Variants in ANKUB1 observed in about 807,000 individuals in gnomAD.
ANKUB1 encodes the protein ankyrin repeat and ubiquitin domain containing 1, also known as protein ANKUB1.
Under a neutral mutation model 49.3 loss-of-function variants are expected in ANKUB1, and 42 were observed. The ratio of observed to expected loss-of-function variants is 0.85; its 90% CI spans 0.67 to 1.10. ANKUB1 has a LOEUF of 1.10. Among genes scored for constraint, ANKUB1 ranks in the 50% least tolerant of loss-of-function variants. ANKUB1 has a pLI of 0.00. For missense variants in ANKUB1, 613 were observed against 642.0 expected, an observed-to-expected ratio of 0.95 and a Z score of 0.49; for synonymous variants, 222 against 231.0, an observed-to-expected ratio of 0.96 and a Z score of 0.35.
chr3:149,779,204 T>A (rs189401924), intron 3 of ANKUB1: 1 of 148,256 alleles, frequency 6.7e-6, no homozygotes, highest in Non-Finnish European at 1.5e-5. Context: ...CGAGACAGGG[T>A]CTTGCTGTCA....
At chr3:149,770,036 T>C (rs1717258309) in intron 4 of ANKUB1, among the ~76,000 whole-genome samples, 1 of 150,388 alleles carries the variant, frequency 6.6e-6, no homozygotes, top group Non-Finnish European at 1.5e-5. Context: ...AACCTGAAGA[T>C]TGAAGACCTT....
chr3:149,790,018 A>T (rs1718290741), intron 2 of ANKUB1, among the ~76,000 whole-genome samples: 1 of 152,220 alleles, frequency 6.6e-6, no homozygotes, highest in Non-Finnish European at 1.5e-5. Flanking sequence ...TTGGGGCACC[A>T]TTTAGCGGAG....
At chr3:149,786,640 T>A (rs1048056173) in intron 2 of ANKUB1, among the ~76,000 whole-genome samples, 1 of 152,326 alleles carries the variant, frequency 6.6e-6, no homozygotes, top group East Asian at 1.9e-4. Flanking sequence ...GGTGTTTTAG[T>A]CATGAAGTCC....
In ANKUB1 at chr3:149,767,216, G is replaced by A. The variant is rs1241801448; in HGVS notation, c.1446C>T (p.Phe482=). ...DFLLKSSFSS[F]LEHSGKTPWE... is the part of the protein sequence containing the mutation. ...ATGGAGTCTTCCCACTGTGCTCTAA[G>A]AAAGATGAGAAGGAGGACTTCAGTA... The change falls in exon 5 of 6, where the codon TTC becomes TTT. Residue 482 remains phenylalanine (F), a synonymous_variant. Transcript: ENST00000446160. The A allele has an allele frequency of 1.3e-6, 2 of 1,550,116 alleles. No individual in the cohort carries two copies. Among genetic ancestry groups the A allele is most frequent in the Non-Finnish European group, 1.7e-6 (2 of 1,146,654 alleles).
intron 2 of ANKUB1, among the ~76,000 whole-genome samples, chr3:149,786,776 T>C (rs956284922): frequency 2.0e-5 from 3 of 151,654 alleles, no homozygotes; most frequent in African/African-American, 7.3e-5. Flanking sequence ...TAAGGAAGTT[T>C]CAACTTTCTA....
chr3:149,761,264 G>C lies in ANKUB1; in HGVS notation c.*220C>G, dbSNP rs1716772101. 1 of 432,078 alleles carries C rather than the reference G, an allele frequency of 2.3e-6. No individual in the cohort carries two copies. The highest frequency in any genetic ancestry group is 3.9e-6 in the Non-Finnish European group (1 of 254,208). The allele number at this position is 432,078 out of a possible 1,614,324, so 26.8% of individuals were successfully genotyped here. On this transcript the variant is annotated 3_prime_UTR_variant, in exon 6 of 6. Coordinates refer to ENST00000446160, the MANE Select transcript of ANKUB1 (RefSeq NM_001144960.3). The stretch of plus-strand genomic sequence containing the variant: ...ACAACTACTATTCTAAGTTTCTTCT[G>C]AATTCTTCCTCATATTCTTTATGCA...
intron 1 of ANKUB1, 22 bp from the exon 2 acceptor site, chr3:149,790,946 A>G: frequency 6.5e-7 from 1 of 1,548,416 alleles, no homozygotes; most frequent in Non-Finnish European, 8.7e-7. Flanking sequence ...ATAGCATATT[A>G]TGAAAACAGT....
rs1717787754 is a variant in ANKUB1 at position 149,780,080 on chromosome 3, A to G, written c.451+159T>C. The stretch of plus-strand genomic sequence containing the variant: ...CCTTTTCACTTCTGATATTTAAACT[A>G]TGTAAATGTGTTAACTGTTTTAAAG... On this transcript the variant is annotated intron_variant, in intron 3 of 5. Transcript: ENST00000446160. 1.5e-5 allele frequency: 10 copies of G among 668,204 alleles called. No homozygotes were observed. The South Asian group carries it at 2.0e-4, about 13-fold the overall frequency. 41.4% of individuals were successfully genotyped at this position (668,204 alleles called of 1,614,324 possible). A position where few individuals can be genotyped will look rare whatever the true frequency, so the allele number is the denominator to read the frequency against.
chr3:149,790,842 T>G lies in ANKUB1; in HGVS notation c.173A>C (p.Asp58Ala), dbSNP rs1339177878. 12 of 1,552,020 alleles carry G rather than the reference T, an allele frequency of 7.7e-6. No individual in the cohort carries two copies. The highest frequency in any genetic ancestry group is 9.6e-6 in the Non-Finnish European group (11 of 1,147,064). ...TCCAACATCAGCAAGACTCCAACTG[T>G]CCTTTAGAGCAGCTCCAGCATACAT... ...ELMYAGAALKDSWSLADVGIS... is the reference protein window; with the variant it reads ...ELMYAGAALKASWSLADVGIS... Residue 58 changes from aspartate to alanine, a missense_variant, in exon 2 of 6, where the codon GAC (aspartate) becomes GCC (alanine). Physicochemically the swap from Asp to Ala is moderately radical, Grantham distance 126. Transcript: ENST00000446160.
intron 4 of ANKUB1, among the ~76,000 whole-genome samples, chr3:149,769,456 G>A (rs1717227205): frequency 6.6e-6 from 1 of 152,210 alleles, no homozygotes; most frequent in Non-Finnish European, 1.5e-5. Context: ...AAGAATAACT[G>A]AATGTGAAAT....
intron 2 of ANKUB1, among the ~76,000 whole-genome samples, chr3:149,788,242 G>T (rs1314586091): frequency 6.6e-6 from 1 of 152,148 alleles, no homozygotes; most frequent in Non-Finnish European, 1.5e-5. Context: ...ATTCTTTGAG[G>T]CCTGGGATAT....
chr3:149,767,966 A>G lies in ANKUB1; in HGVS notation c.696T>C (p.His232=), dbSNP rs1183513588. Residue 232 remains histidine (H), a synonymous_variant, in exon 5 of 6, where the codon CAT becomes CAC. Transcript: ENST00000446160. ...VGVHPYRAWC[H]EALHADVSKC... ...TAGAGACATCTGCATGAAGGGCTTCATGGCACCATGCTCGATAGGGGTGAA... is the reference window on the plus strand; with the variant it reads ...TAGAGACATCTGCATGAAGGGCTTCGTGGCACCATGCTCGATAGGGGTGAA... The G allele has an allele frequency of 1.3e-6, 2 of 1,541,776 alleles. No homozygotes were observed.
At chr3:149,787,299 A>G (rs1718149916) in intron 2 of ANKUB1, among the ~76,000 whole-genome samples, 1 of 152,104 alleles carries the variant, frequency 6.6e-6, no homozygotes, top group African/African-American at 2.4e-5. Context: ...ATCCCTTGTA[A>G]GTTGGATTCC....
chr3:149,768,322 G>A (rs1341912304), intron 4 of ANKUB1, among the ~76,000 whole-genome samples: 1 of 152,144 alleles, frequency 6.6e-6, no homozygotes, highest in Non-Finnish European at 1.5e-5. Context: ...TCCTTGAAGT[G>A]GTCATCTTTC....
intron 3 of ANKUB1, among the ~76,000 whole-genome samples, chr3:149,772,884 G>T (rs1391724018): frequency 6.6e-6 from 1 of 152,196 alleles, no homozygotes. Context: ...GGCCTTGGTG[G>T]TGTCTAAACT....
At chr3:149,787,224 T>G (rs1410505863) in intron 2 of ANKUB1, among the ~76,000 whole-genome samples, 1 of 152,196 alleles carries the variant, frequency 6.6e-6, no homozygotes, top group Non-Finnish European at 1.5e-5. Context: ...GTTCTTCCAT[T>G]TGTTTGTGTC....
At chr3:149,788,388 C>CT (rs111836900) in intron 2 of ANKUB1, among the ~76,000 whole-genome samples, 4,646 of 145,708 alleles carry the variant, frequency 0.032, 239 homozygotes, top group African/African-American at 0.1. Flanking sequence ...ATAAACTCCT[C>CT]TTTTTTTTTT....
chr3:149,774,845 A>C (rs1717523207), intron 3 of ANKUB1, among the ~76,000 whole-genome samples: 1 of 152,204 alleles, frequency 6.6e-6, no homozygotes, highest in Non-Finnish European at 1.5e-5. Context: ...TCAGATGTTA[A>C]ATTCCTTCAT....
At position 149,788,388 on chromosome 3, in the gene ANKUB1, CT is replaced by C. The variant is rs111836900; in HGVS notation, c.234+2392del. ...CCCTGGCTCTCTTGAATAAACTCCT[CT>C]TTTTTTTTTTTGAGACAGGGTCTCA... On this transcript the variant is annotated intron_variant, in intron 2 of 5. Transcript: ENST00000446160. Among the ~76,000 whole-genome samples, 312 of 145,732 alleles carry C rather than the reference CT, an allele frequency of 2.1e-3. 1 individual carries two copies. The highest frequency in any genetic ancestry group is 4.2e-3 in the African/African-American group (168 of 40,226).
Sources: allele counts gnomAD v4.1 joint callset (sites outside exome capture counted in the v4.1 genomes callset), GRCh38; gene constraint gnomAD v4.1.1; transcripts MANE v1.5; gene names NCBI Gene and HGNC (gene_info 2026-07-23, HGNC 2026-07-21).